The following CFDP1 variants were observed in gnomAD, a reference collection of about 807,000 sequenced individuals.
The protein encoded by CFDP1 is heterochromatin-stabilizing protein CFDP1.
In CFDP1, 31 loss-of-function variants were observed where a neutral mutation model predicts 40.1. The observed-to-expected ratio is 0.77, with a 90% CI of 0.58 to 1.04. The LOEUF is 1.04. Among genes scored for constraint, CFDP1 ranks in the 50% least tolerant of loss-of-function variants. CFDP1 has a pLI of 0.00. For missense variants in CFDP1, 423 were observed against 343.4 expected (o/e 1.23, Z -1.83); for synonymous variants, 167 against 120.0 (o/e 1.39, Z -2.56).
At chr16:75,350,836 G>A (rs2078605669) in intron 5 of CFDP1, among the ~76,000 whole-genome samples, 1 of 152,026 alleles carries the variant, frequency 6.6e-6, no homozygotes, top group African/African-American at 2.4e-5. Flanking sequence ...AGATACGCAA[G>A]ATAAATAAAA....
At chr16:75,304,894 A>T (rs1418790187) in intron 6 of CFDP1, 130 bp downstream of exon 6, 1 of 996,680 alleles carries the variant, frequency 1.0e-6, no homozygotes, top group Non-Finnish European at 1.5e-6. Context: ...CTGACAAACC[A>T]AAGTGCTCAC....
rs551247963 is a variant in CFDP1, at chr16:75,364,628, G to A, written c.650+30462C>T. ...CTTCAATGAAGACAGATATTTAAAA[G>A]ATTTGTAAAAATGTAAAACAATGCC... On this transcript the variant is annotated intron_variant, in intron 5 of 6. Coordinates refer to ENST00000283882, the MANE Select transcript of CFDP1 (RefSeq NM_006324.3). 2.6e-5 allele frequency among the ~76,000 whole-genome samples: 4 copies of A among 152,222 alleles called. No individual in the cohort carries two copies. The South Asian group carries it at 8.3e-4, about 32-fold the overall frequency.
intron 1 of CFDP1, among the ~76,000 whole-genome samples, chr16:75,423,003 G>A (rs1256730035): frequency 1.3e-5 from 2 of 151,864 alleles, no homozygotes; most frequent in Admixed American, 6.6e-5. Context: ...AAATTAGGCC[G>A]GGCGCAGTGG....
rs1255433174 is a variant in CFDP1, at chr16:75,293,791, A to G, written c.*161T>C. 1.7e-6 allele frequency: 1 copy of G among 603,564 alleles called. No homozygotes were observed. Among genetic ancestry groups the G allele is most frequent in the Non-Finnish European group, 2.9e-6 (1 of 346,230 alleles). The allele number at this position is 603,564 out of a possible 1,614,324, so 37.4% of individuals were successfully genotyped here. On this transcript the variant is annotated 3_prime_UTR_variant, in exon 7 of 7. Transcript: ENST00000283882. ...CAAATTTTTAAAAGTAAAGTGAATG[A>G]AACCATTTGTGATTAAGATACATAG...
chr16:75,421,782 C>A (rs1288881188), intron 1 of CFDP1, among the ~76,000 whole-genome samples: 2 of 152,178 alleles, frequency 1.3e-5, no homozygotes, highest in Non-Finnish European at 2.9e-5. Flanking sequence ...CTCATAAACA[C>A]AGATGCAAAA....
intron 5 of CFDP1, among the ~76,000 whole-genome samples, chr16:75,391,794 C>T (rs1376776381): frequency 3.3e-5 from 5 of 151,590 alleles, no homozygotes; most frequent in South Asian, 4.2e-4. Flanking sequence ...CATGGTGAAA[C>T]CCCGTCTCTA....
chr16:75,433,446 G>A lies in CFDP1; in HGVS notation c.-94C>T, dbSNP rs572248808. On this transcript the variant is annotated 5_prime_UTR_variant, in exon 1 of 7. Coordinates refer to ENST00000283882, the MANE Select transcript of CFDP1 (RefSeq NM_006324.3). ...GGAGAGACCATAGAGCCCCGGCGGCGGCGACGGCAGCTAGGGCGGCCCCCG... is the reference window on the plus strand; with the variant it reads ...GGAGAGACCATAGAGCCCCGGCGGCAGCGACGGCAGCTAGGGCGGCCCCCG... 4.7e-6 allele frequency: 6 copies of A among 1,286,234 alleles called. No individual in the cohort carries two copies. The highest frequency in any genetic ancestry group is 1.5e-5 in the African/African-American group (1 of 67,790). 79.7% of individuals were successfully genotyped at this position (1,286,234 alleles called of 1,614,324 possible). A position where few individuals can be genotyped will look rare whatever the true frequency, so the allele number is the denominator to read the frequency against.
At chr16:75,405,761 A>C (rs531495415) in intron 4 of CFDP1, among the ~76,000 whole-genome samples, 113 of 149,798 alleles carry the variant, frequency 7.5e-4, no homozygotes, top group Non-Finnish European at 1.3e-3. Flanking sequence ...AAAAAAAAAA[A>C]AAAACAAATG....
At chr16:75,407,607 C>T (rs1209720243) in intron 4 of CFDP1, among the ~76,000 whole-genome samples, 2 of 137,770 alleles carry the variant, frequency 1.5e-5, no homozygotes, top group African/African-American at 2.7e-5. Context: ...AACTGAGCCT[C>T]GTAGGTTGGT....
intron 5 of CFDP1, among the ~76,000 whole-genome samples, chr16:75,344,576 C>T (rs1315816389): frequency 6.6e-6 from 1 of 152,118 alleles, no homozygotes; most frequent in Non-Finnish European, 1.5e-5. Context: ...AAAAGCTACT[C>T]AAAACAAATC....
chr16:75,304,825 C>T (rs1378687465), intron 6 of CFDP1, among the ~76,000 whole-genome samples, 199 bp downstream of exon 6: 1 of 152,222 alleles, frequency 6.6e-6, no homozygotes, highest in Admixed American at 6.5e-5. Context: ...CCCGCCTTCC[C>T]TCCACCCGCA....
intron 5 of CFDP1, among the ~76,000 whole-genome samples, chr16:75,390,153 T>C (rs1473451055): frequency 6.6e-6 from 1 of 152,196 alleles, no homozygotes; most frequent in Non-Finnish European, 1.5e-5. Flanking sequence ...GAAAAATATT[T>C]CACTTGTATA....
chr16:75,382,408 C>T (rs1225539092), intron 5 of CFDP1, among the ~76,000 whole-genome samples: 27 of 152,158 alleles, frequency 1.8e-4, no homozygotes, highest in Admixed American at 1.8e-3. Flanking sequence ...CAGATAGATA[C>T]TTCATAATCT....
intron 1 of CFDP1, among the ~76,000 whole-genome samples, chr16:75,423,055 C>A (rs919188400): frequency 1.3e-5 from 2 of 151,640 alleles, no homozygotes; most frequent in African/African-American, 2.4e-5. Flanking sequence ...CCGAGGTGGG[C>A]GGATCACAAG....
intron 5 of CFDP1, among the ~76,000 whole-genome samples, chr16:75,313,255 T>C (rs2078305962): frequency 6.6e-6 from 1 of 152,206 alleles, no homozygotes; most frequent in African/African-American, 2.4e-5. Flanking sequence ...CTGTGGTGCT[T>C]GGTTCGTGCA....
At chr16:75,358,013 A>G (rs1567655967) in intron 5 of CFDP1, among the ~76,000 whole-genome samples, 1 of 152,182 alleles carries the variant, frequency 6.6e-6, no homozygotes, top group Non-Finnish European at 1.5e-5. Context: ...CCTAATTTCA[A>G]TATTGTTTTG....
intron 5 of CFDP1, among the ~76,000 whole-genome samples, chr16:75,362,093 C>T (rs2078683545): frequency 6.9e-6 from 1 of 145,022 alleles, no homozygotes; most frequent in Admixed American, 6.9e-5. Context: ...CTTGCTAGTT[C>T]CTAGACTGCA....
intron 1 of CFDP1, 39 bp from the exon 2 acceptor site, chr16:75,414,734 G>A (rs1555566142): frequency 3.0e-6 from 4 of 1,320,964 alleles, no homozygotes; most frequent in Non-Finnish European, 3.3e-6. Flanking sequence ...AGGAATAAAG[G>A]TTTTCACATC....
intron 6 of CFDP1, among the ~76,000 whole-genome samples, chr16:75,304,743 T>G (rs1017605477): frequency 1.3e-5 from 2 of 152,198 alleles, no homozygotes; most frequent in Non-Finnish European, 2.9e-5. Context: ...CAACTTACAG[T>G]TCACTGGAGC....
Sources: gnomAD v4.1 joint callset for allele counts (sites outside exome capture counted in the v4.1 genomes callset) on GRCh38, gnomAD v4.1.1 for gene constraint, MANE v1.5 for transcripts, NCBI Gene and HGNC (gene_info 2026-07-23, HGNC 2026-07-21) for gene names.